Variants in RBFOX1 observed in about 807,000 individuals in gnomAD.
RBFOX1 encodes the protein RNA binding fox-1 homolog 1.
In RBFOX1, 8 loss-of-function variants were observed where a neutral mutation model predicts 57.7. The observed-to-expected ratio is 0.14, with a 90% confidence interval of 0.08 to 0.25. The LOEUF (loss-of-function observed/expected upper bound fraction) is 0.25. Ranked by LOEUF, RBFOX1 falls within the 10% of genes least tolerant of loss-of-function variation. RBFOX1 has a pLI of 1.00. For missense variants in RBFOX1, 611 were observed against 548.5 expected (o/e 1.11, Z -1.14); for synonymous variants, 326 against 222.4 (o/e 1.47, Z -4.15).
At chr16:7,708,885 T>C (rs574417778) in intron 14 of RBFOX1, among the ~76,000 whole-genome samples, 171 bp from the exon 15 acceptor site, 1 of 152,268 alleles carries the variant, frequency 6.6e-6, no homozygotes, top group Admixed American at 6.5e-5. Flanking sequence ...GCACAAAAAA[T>C]GTATCATGTA....
intron 3 of RBFOX1, among the ~76,000 whole-genome samples, chr16:5,733,465 G>A (rs759796211): frequency 2.0e-5 from 3 of 152,134 alleles, no homozygotes; most frequent in Admixed American, 6.5e-5. Context: ...TTGTCCTCCC[G>A]AGCAGCAGTG....
In RBFOX1 at chr16:7,533,410, AT is replaced by A. The variant is rs201195593; in HGVS notation, c.270+15027del. Among the ~76,000 whole-genome samples the A allele has an allele frequency of 3.0e-4, 46 of 151,582 alleles. 1 individual carries two copies. The highest frequency in any genetic ancestry group is 1.2e-3 in the East Asian group (6 of 5,090). The stretch of plus-strand genomic sequence containing the variant: ...CCCATACACATACACACAGCCCTGC[AT>A]TTTTTAAAAAAAAAATCCTTTAAAA... On this transcript the variant is annotated intron_variant, in intron 5 of 15. Transcript: ENST00000550418.
At chr16:6,513,940 A>G (rs143983542) in intron 2 of RBFOX1, among the ~76,000 whole-genome samples, 1 of 152,302 alleles carries the variant, frequency 6.6e-6, no homozygotes, top group Non-Finnish European at 1.5e-5. Flanking sequence ...GCTGATGGGA[A>G]GAACAGAAAT....
chr16:7,644,807 AC>A (rs1361222560), intron 11 of RBFOX1, among the ~76,000 whole-genome samples: 2 of 152,344 alleles, frequency 1.3e-5, no homozygotes, highest in African/African-American at 4.8e-5. Context: ...TATGATGGTA[AC>A]TGGTAACAGT....
chr16:5,610,905 C>A (rs773774999), intron 3 of RBFOX1, among the ~76,000 whole-genome samples: 2 of 151,964 alleles, frequency 1.3e-5, no homozygotes, highest in African/African-American at 4.8e-5. Flanking sequence ...AAATCAGATC[C>A]CTCTAGTCCC....
intron 1 of RBFOX1, among the ~76,000 whole-genome samples, chr16:6,046,862 A>G (rs1162923138): frequency 1.3e-5 from 2 of 152,166 alleles, no homozygotes; most frequent in Non-Finnish European, 2.9e-5. Flanking sequence ...TTGTGAGGAA[A>G]CAGATATTAC....
chr16:5,310,825 G>A (rs1368945818), intron 1 of RBFOX1, among the ~76,000 whole-genome samples: 3 of 152,164 alleles, frequency 2.0e-5, no homozygotes, highest in African/African-American at 7.2e-5. Context: ...TACAAATGAA[G>A]TACACTCTTT....
At chr16:7,628,078 A>G (rs890118620) in intron 10 of RBFOX1, among the ~76,000 whole-genome samples, 44 of 152,324 alleles carry the variant, frequency 2.9e-4, no homozygotes, top group African/African-American at 1.0e-3. Flanking sequence ...AATTCTATAA[A>G]TTGCATCGAG....
intron 1 of RBFOX1, among the ~76,000 whole-genome samples, chr16:6,214,959 AGAGGGAGAAG>A (rs554054006): frequency 0.031 from 3,500 of 112,568 alleles, 87 homozygotes; most frequent in Middle Eastern, 0.1. Context: ...GGAGAGAGGG[AGAGGGAGAAG>A]GAGGGAGAAG....
chr16:5,443,120 G>C (rs753235645), intron 1 of RBFOX1, among the ~76,000 whole-genome samples: 6 of 152,132 alleles, frequency 3.9e-5, no homozygotes, highest in Non-Finnish European at 8.8e-5. Context: ...TGGACTTCTA[G>C]CCTCCAGAAC....
intron 5 of RBFOX1, among the ~76,000 whole-genome samples, chr16:7,541,860 C>G (rs542358869): frequency 4.6e-5 from 7 of 152,134 alleles, no homozygotes; most frequent in African/African-American, 9.7e-5. Context: ...ACTTGGGGTG[C>G]TTAAGAAATC....
chr16:6,647,167 C>T (rs1486498442), intron 2 of RBFOX1, among the ~76,000 whole-genome samples: 6 of 152,158 alleles, frequency 3.9e-5, no homozygotes, highest in East Asian at 3.8e-4. Context: ...CCTGGGCTTA[C>T]GCTACCAGAG....
chr16:5,978,579 C>G (rs1212418891), intron 4 of RBFOX1, among the ~76,000 whole-genome samples: 1 of 152,166 alleles, frequency 6.6e-6, no homozygotes, highest in African/African-American at 2.4e-5. Flanking sequence ...AAATCCAAGT[C>G]CAGGTACCAC....
At chr16:5,452,534 C>T (rs9939798) in intron 1 of RBFOX1, among the ~76,000 whole-genome samples, 15,597 of 152,138 alleles carry the variant, frequency 0.1, 852 homozygotes, top group Middle Eastern at 0.17. Flanking sequence ...GGACTGTTAG[C>T]ACCCATTTCA....
At chr16:5,521,996 G>A (rs1454528784) in intron 2 of RBFOX1, among the ~76,000 whole-genome samples, 1 of 152,168 alleles carries the variant, frequency 6.6e-6, no homozygotes, top group Non-Finnish European at 1.5e-5. Context: ...ATACACAGGG[G>A]CTGTGACTTC....
chr16:5,790,301 A>G (rs1016185511), intron 3 of RBFOX1, among the ~76,000 whole-genome samples: 6 of 152,166 alleles, frequency 3.9e-5, no homozygotes, highest in African/African-American at 1.4e-4. Flanking sequence ...GAATACAAGA[A>G]TGACACGTAT....
intron 3 of RBFOX1, among the ~76,000 whole-genome samples, chr16:7,039,093 C>T (rs946657802): frequency 2.0e-5 from 3 of 152,108 alleles, no homozygotes; most frequent in African/African-American, 7.2e-5. Flanking sequence ...GGAGATAGCA[C>T]CCCATAGGTC....
chr16:7,038,644 A>G (rs1413540799), intron 3 of RBFOX1, among the ~76,000 whole-genome samples: 1 of 152,136 alleles, frequency 6.6e-6, no homozygotes, highest in East Asian at 1.9e-4. Flanking sequence ...CAAGACCAGC[A>G]TCAAGCCTGA....
chr16:7,038,691 G>A (rs1475637701), intron 3 of RBFOX1, among the ~76,000 whole-genome samples: 1 of 152,102 alleles, frequency 6.6e-6, no homozygotes, highest in African/African-American at 2.4e-5. Context: ...CTTGCAGAAA[G>A]CAGATGTGGG....
Sources: allele counts gnomAD v4.1 joint callset (sites outside exome capture counted in the v4.1 genomes callset), GRCh38; gene constraint gnomAD v4.1.1; transcripts MANE v1.5; gene names NCBI Gene and HGNC (gene_info 2026-07-23, HGNC 2026-07-21).